ABCD2: variants seen among roughly 807,000 people sequenced by gnomAD.
ABCD2 encodes ATP binding cassette subfamily D member 2.
Under a neutral mutation model 70.9 loss-of-function variants are expected in ABCD2, and 36 were observed. The observed-to-expected ratio is 0.51, with a 90% CI of 0.39 to 0.67. The LOEUF (loss-of-function observed/expected upper bound fraction) is 0.67. ABCD2 is among the 30% of genes least tolerant of loss of function. ABCD2 has a pLI of 0.00. For missense variants in ABCD2, 729 were observed against 890.2 expected (o/e 0.82, Z 2.30); for synonymous variants, 304 against 306.9 (o/e 0.99, Z 0.10).
Position 39,557,573 on chromosome 12 carries a change from T to C in ABCD2, c.2004-3442A>G, listed in dbSNP as rs186567478. ...TTAATCACCAAGACAATGGGGAAAA[T>C]GTCTCCAAGGCATGTAAGTGGTCTT... On this transcript the variant is annotated intron_variant, in intron 9 of 9. Transcript: ENST00000308666. 1.3e-4 allele frequency among the ~76,000 whole-genome samples: 20 copies of C among 152,044 alleles called. No individual in the cohort carries two copies. In the East Asian group the frequency reaches 3.9e-3, roughly 29 times the overall value.
intron 3 of ABCD2, among the ~76,000 whole-genome samples, chr12:39,606,512 T>C (rs191433357): frequency 6.6e-5 from 10 of 152,340 alleles, no homozygotes; most frequent in Non-Finnish European, 1.2e-4. Flanking sequence ...TATTTTAATG[T>C]GAGATAAATA....
At chr12:39,544,603 A>G in the ABCD2 span, among the ~76,000 whole-genome samples, 15 of 152,162 alleles carry the variant, frequency 9.9e-5, no homozygotes, top group African/African-American at 3.4e-4. Flanking sequence ...GATCTCTTTC[A>G]CTGTCTCCGT....
intron 6 of ABCD2, among the ~76,000 whole-genome samples, chr12:39,598,448 T>G (rs1408923570): frequency 6.6e-6 from 1 of 152,192 alleles, no homozygotes; most frequent in Non-Finnish European, 1.5e-5. Context: ...TTGCCCGGGC[T>G]GGAGTGCAGT....
the ABCD2 span, among the ~76,000 whole-genome samples, chr12:39,543,455 C>T: frequency 7.9e-5 from 12 of 152,048 alleles, no homozygotes; most frequent in African/African-American, 2.7e-4. Flanking sequence ...CTCTTATGTC[C>T]TTTTCCTTTG....
intron 5 of ABCD2, 121 bp downstream of exon 5, chr12:39,603,791 C>G: frequency 1.4e-6 from 1 of 701,010 alleles, no homozygotes; most frequent in Non-Finnish European, 2.4e-6. Context: ...ACTGTGCATA[C>G]CTTTCTTGAT....
At chr12:39,533,975 A>G in the ABCD2 span, among the ~76,000 whole-genome samples, 1 of 152,252 alleles carries the variant, frequency 6.6e-6, no homozygotes, top group Non-Finnish European at 1.5e-5. Flanking sequence ...GGTGCATGTG[A>G]ATAGTGTGCT....
At position 39,618,824 on chromosome 12, in the gene ABCD2, C is replaced by G. The variant is rs982846722; in HGVS notation, c.792G>C (p.Val264=). The part of the protein sequence containing the change: ...IGPTLLAGLV[V]YATAKVLKAC... ...CTTTTAACACTTTAGCAGTGGCATA[C>G]ACCACAAGTCCTGCTAGTAGGGTGG... Residue 264 remains valine (V), a synonymous_variant, in exon 1 of 10, where the codon GTG becomes GTC. Coordinates refer to ENST00000308666, the MANE Select transcript of ABCD2 (RefSeq NM_005164.4). 2 of 1,614,240 alleles carry G rather than the reference C, an allele frequency of 1.2e-6. No homozygotes were observed. Among genetic ancestry groups the G allele is most frequent in the Non-Finnish European group, 8.5e-7 (1 of 1,180,042 alleles).
chr12:39,592,257 TA>T (rs1941756421), intron 6 of ABCD2, among the ~76,000 whole-genome samples: 1 of 152,172 alleles, frequency 6.6e-6, no homozygotes, highest in African/African-American at 2.4e-5. Context: ...AATAATTTTC[TA>T]AAAAAGGACA....
At chr12:39,617,195 C>T in intron 1 of ABCD2, 27 bp from the exon 2 acceptor site, 3 of 1,468,432 alleles carry the variant, frequency 2.0e-6, no homozygotes, top group African/African-American at 1.4e-5. Flanking sequence ...GAGTTGAGGA[C>T]TTTTTTTAAA....
rs764045904 is a variant in ABCD2, at chr12:39,604,817, A to G, written c.1350T>C (p.His450=). ...ATTCTACCTTAGCTCCATTCTTGCT[A>G]TGGCTTTCAGATTCTTGAATGACAG... ...RTAVIQESES[H]SKNGAKVELP... is the part of the protein sequence containing the mutation. Residue 450 remains histidine (H), a synonymous_variant, in exon 4 of 10, where the codon CAT becomes CAC. Coordinates refer to ENST00000308666, the MANE Select transcript of ABCD2 (RefSeq NM_005164.4). 3.7e-6 allele frequency: 6 copies of G among 1,612,120 alleles called. No homozygotes were observed. The highest frequency in any genetic ancestry group is 2.7e-5 in the African/African-American group (2 of 74,832).
At chr12:39,545,111 T>C (rs1321665641), downstream of ABCD2, among the ~76,000 whole-genome samples, 2 of 152,220 alleles carry the variant, frequency 1.3e-5, no homozygotes, top group Non-Finnish European at 2.9e-5. Context: ...CCCATTTTTA[T>C]TAAAAACAAA....
At chr12:39,569,671 C>T (rs184938358) in intron 9 of ABCD2, among the ~76,000 whole-genome samples, 13 of 152,268 alleles carry the variant, frequency 8.5e-5, no homozygotes, top group East Asian at 3.9e-4. Flanking sequence ...GAGATGAACC[C>T]GGTACCTCAG....
chr12:39,616,934 T>C, intron 2 of ABCD2, 54 bp downstream of exon 2: 1 of 1,485,578 alleles, frequency 6.7e-7, no homozygotes, highest in Admixed American at 2.1e-5. Flanking sequence ...CAATGACAAC[T>C]TCAAAAGAAA....
intron 6 of ABCD2, among the ~76,000 whole-genome samples, chr12:39,586,777 A>G (rs529852809): frequency 7.7e-4 from 117 of 152,350 alleles, no homozygotes; most frequent in East Asian, 1.2e-3. Flanking sequence ...TAATTCATCT[A>G]TAATTATTTG....
At chr12:39,573,027 T>A (rs916300681) in intron 9 of ABCD2, among the ~76,000 whole-genome samples, 6 of 152,168 alleles carry the variant, frequency 3.9e-5, no homozygotes. Context: ...ACTTTTCTAG[T>A]TCTCAGTTTC....
intron 6 of ABCD2, among the ~76,000 whole-genome samples, chr12:39,586,928 G>A (rs1591984450): frequency 6.6e-6 from 1 of 152,106 alleles, no homozygotes; most frequent in East Asian, 1.9e-4. Flanking sequence ...TCAACAACTT[G>A]GTAACTCACT....
chr12:39,534,776 AAGAAAGAAAG>A, the ABCD2 span, among the ~76,000 whole-genome samples: 1 of 138,602 alleles, frequency 7.2e-6, no homozygotes, highest in Non-Finnish European at 1.6e-5. Flanking sequence ...GAAAGAAAGA[AAGAAAGAAAG>A]AAAGAAAGAA....
chr12:39,556,720 C>T (rs899609491), intron 9 of ABCD2, among the ~76,000 whole-genome samples: 3 of 152,162 alleles, frequency 2.0e-5, no homozygotes, highest in African/African-American at 7.2e-5. Flanking sequence ...AACATGGTGG[C>T]TCATGCCTGT....
chr12:39,565,863 C>T (rs1566538929), intron 9 of ABCD2, among the ~76,000 whole-genome samples: 2 of 152,094 alleles, frequency 1.3e-5, no homozygotes, highest in Non-Finnish European at 2.9e-5. Context: ...TGTTAGAGGC[C>T]TTTTCTGCAT....
Sources: allele counts gnomAD v4.1 joint callset (sites outside exome capture counted in the v4.1 genomes callset), GRCh38; gene constraint gnomAD v4.1.1; transcripts MANE v1.5; gene names NCBI Gene and HGNC (gene_info 2026-07-23, HGNC 2026-07-21).